Variants in ITPK1 observed in about 807,000 individuals in gnomAD.
ITPK1 encodes the protein inositol 1,3,4-trisphosphate 5/6-kinase.
A neutral mutation model predicts 45.3 loss-of-function variants in ITPK1; 21 were observed. That is an observed-to-expected ratio of 0.46 (90% CI 0.33 to 0.67). The LOEUF (loss-of-function observed/expected upper bound fraction) is 0.67, where lower values mean the gene tolerates loss of function less well. Ranked by LOEUF, ITPK1 falls within the 30% of genes least tolerant of loss-of-function variation. The pLI is 0.02. For synonymous variants in ITPK1, 258 were observed against 253.6 expected, an observed-to-expected ratio of 1.02 and a Z score of -0.16; for missense variants, 474 against 573.5, an observed-to-expected ratio of 0.83 and a Z score of 1.77.
chr14:92,994,040 C>A (rs1367729855), intron 4 of ITPK1, 43 bp from the exon 5 acceptor site: 2 of 1,336,082 alleles, frequency 1.5e-6, no homozygotes, highest in African/African-American at 1.4e-5. Context: ...AGGGGTAGGG[C>A]CAGGTAGCAA....
chr14:93,060,070 G>C (rs111801757), intron 3 of ITPK1, among the ~76,000 whole-genome samples: 117 of 152,124 alleles, frequency 7.7e-4, no homozygotes, highest in African/African-American at 2.7e-3. Flanking sequence ...CAGGAGGAGG[G>C]GGGTGGGGTA....
chr14:92,980,795 C>T (rs972256879), intron 5 of ITPK1, among the ~76,000 whole-genome samples: 2 of 152,166 alleles, frequency 1.3e-5, no homozygotes, highest in Non-Finnish European at 2.9e-5. Flanking sequence ...CCTGCTTCAG[C>T]CTCCCAAGTT....
In ITPK1 at chr14:92,962,368, G is replaced by C. The variant is rs768475112; in HGVS notation, c.491C>G (p.Thr164Ser). Reference protein sequence around the residue: ...FICKTRVAHGTNSHEMAIVFN... With the variant: ...FICKTRVAHGSNSHEMAIVFN... ...TCTTCCACTCACCTCGTGAGAGTTG[G>C]TGCCATGAGCCACTCTGGTTTTGCA... The change falls in exon 7 of 11, where the codon ACC becomes AGC. Residue 164 changes from threonine (T) to serine (S), a missense_variant. By Grantham distance (58) the Thr-to-Ser change is moderately conservative. Coordinates refer to ENST00000267615, the MANE Select transcript of ITPK1 (RefSeq NM_014216.6). 2 of 1,610,944 alleles carry C rather than the reference G, an allele frequency of 1.2e-6. No homozygotes were observed. The highest frequency in any genetic ancestry group is 3.3e-5 in the Admixed American group (2 of 60,018).
intron 2 of ITPK1, among the ~76,000 whole-genome samples, chr14:93,082,666 C>T (rs1891485293): frequency 6.6e-6 from 1 of 152,258 alleles, no homozygotes; most frequent in African/African-American, 2.4e-5. Flanking sequence ...ACGCCCACTC[C>T]AGGGGTGGGC....
At position 92,940,679 on chromosome 14, in the gene ITPK1, C is replaced by A; in HGVS notation, c.*882G>T. ...CCAGGGGTTAGGGCACAAAGCCAGC[C>A]CTGTGGTGCTCTCTGATCTCAAATG... On this transcript the variant is annotated 3_prime_UTR_variant, in exon 11 of 11. Coordinates refer to ENST00000267615, the MANE Select transcript of ITPK1 (RefSeq NM_014216.6). The A allele has an allele frequency of 7.8e-7, 1 of 1,280,606 alleles. No homozygotes were observed. Among genetic ancestry groups the A allele is most frequent in the South Asian group, 1.3e-5 (1 of 79,262 alleles). The allele number at this position is 1,280,606 out of a possible 1,614,324, so 79.3% of individuals were successfully genotyped here. A position where few individuals can be genotyped will look rare whatever the true frequency, so the allele number is the denominator to read the frequency against.
intron 3 of ITPK1, among the ~76,000 whole-genome samples, chr14:93,060,750 C>A (rs1890483371): frequency 6.6e-6 from 1 of 152,152 alleles, no homozygotes; most frequent in Non-Finnish European, 1.5e-5. Flanking sequence ...AACAGCAGAT[C>A]TGAGTTCAAA....
intron 3 of ITPK1, among the ~76,000 whole-genome samples, chr14:93,062,287 CAAAG>C (rs1248962420): frequency 1.3e-5 from 2 of 151,434 alleles, no homozygotes; most frequent in African/African-American, 4.9e-5. Context: ...AAAACTGCAT[CAAAG>C]ATGTTGGTGC....
chr14:93,090,450 C>T (rs1189452866), intron 2 of ITPK1, among the ~76,000 whole-genome samples: 1 of 152,150 alleles, frequency 6.6e-6, no homozygotes, highest in Non-Finnish European at 1.5e-5. Flanking sequence ...GACCTGAATG[C>T]CTCCCGTGTG....
chr14:93,107,461 G>A (rs915883354), intron 2 of ITPK1, among the ~76,000 whole-genome samples: 6 of 152,104 alleles, frequency 3.9e-5, no homozygotes, highest in South Asian at 2.1e-4. Context: ...AGATTCTGAC[G>A]GCGAGAGAGG....
intron 3 of ITPK1, among the ~76,000 whole-genome samples, chr14:93,017,632 A>G (rs1053342139): frequency 6.6e-6 from 1 of 152,218 alleles, no homozygotes; most frequent in African/African-American, 2.4e-5. Context: ...ACCACCTGCA[A>G]GGCCAGTGCC....
intron 4 of ITPK1, among the ~76,000 whole-genome samples, chr14:93,008,422 A>C (rs78001190): frequency 0.015 from 2,321 of 152,364 alleles, 59 homozygotes; most frequent in African/African-American, 0.053. Flanking sequence ...AGTTCTCACT[A>C]AGACTTGCTG....
At chr14:93,093,680 A>G (rs968672612) in intron 2 of ITPK1, among the ~76,000 whole-genome samples, 1 of 152,220 alleles carries the variant, frequency 6.6e-6, no homozygotes, top group African/African-American at 2.4e-5. Context: ...CCGGCCCCAT[A>G]CAGACAACAT....
chr14:93,066,465 C>T (rs1034568908), intron 3 of ITPK1: 40 of 321,002 alleles, frequency 1.2e-4, no homozygotes, highest in Non-Finnish European at 4.9e-5. Context: ...AGTTCAGTGG[C>T]GCGATCTCGG....
chr14:92,944,833 G>C (rs375530323), intron 10 of ITPK1, among the ~76,000 whole-genome samples: 6 of 152,162 alleles, frequency 3.9e-5, no homozygotes, highest in Non-Finnish European at 8.8e-5. Context: ...TGCACCCAGA[G>C]GCAATGGAGA....
chr14:93,074,409 A>C (rs1008037946), intron 3 of ITPK1, among the ~76,000 whole-genome samples: 2 of 152,184 alleles, frequency 1.3e-5, no homozygotes, highest in East Asian at 3.8e-4. Context: ...AATGCCACAT[A>C]AATGAAACCC....
Position 93,058,283 on chromosome 14 carries a change from G to A in ITPK1, c.120+18312C>T, listed in dbSNP as rs902094641. Among the ~76,000 whole-genome samples the A allele has an allele frequency of 1.4e-4, 21 of 150,826 alleles. No homozygotes were observed. In the South Asian group the frequency reaches 3.4e-3, roughly 24 times the overall value. ...AAGGTCGAAGCCAGAGTGGCCATGC[G>A]GGACTCTGGGTAGGGACAGAAGAAC... On this transcript the variant is annotated intron_variant, in intron 3 of 10. Coordinates refer to ENST00000267615, the MANE Select transcript of ITPK1 (RefSeq NM_014216.6).
At chr14:93,009,629 C>T (rs1275384096) in intron 4 of ITPK1, among the ~76,000 whole-genome samples, 1 of 152,192 alleles carries the variant, frequency 6.6e-6, no homozygotes, top group Non-Finnish European at 1.5e-5. Flanking sequence ...CAGGAGGAGT[C>T]GCCTATGACC....
chr14:92,976,431 C>T (rs1451482374), intron 5 of ITPK1, among the ~76,000 whole-genome samples: 2 of 152,214 alleles, frequency 1.3e-5, no homozygotes, highest in Non-Finnish European at 2.9e-5. Flanking sequence ...TACTCTGTCA[C>T]CATCATGCTA....
chr14:92,940,021 G>T lies in ITPK1; in HGVS notation c.*1540C>A. 1 of 985,826 alleles carries T rather than the reference G, an allele frequency of 1.0e-6. No individual in the cohort carries two copies. Among genetic ancestry groups the T allele is most frequent in the Non-Finnish European group, 1.2e-6 (1 of 829,956 alleles). 61.1% of individuals were successfully genotyped at this position (985,826 alleles called of 1,614,324 possible). A position where few individuals can be genotyped will look rare whatever the true frequency, so the allele number is the denominator to read the frequency against. On this transcript the variant is annotated 3_prime_UTR_variant, in exon 11 of 11. Coordinates refer to ENST00000267615, the MANE Select transcript of ITPK1 (RefSeq NM_014216.6). Reference sequence around the variant, plus strand: ...GTCGTGTAAACGTGGTTAGTTGTTGGGTCCTCAGTTTCCAAAAAAGCCGGG... The same window carrying T: ...GTCGTGTAAACGTGGTTAGTTGTTGTGTCCTCAGTTTCCAAAAAAGCCGGG...
Sources: allele counts gnomAD v4.1 joint callset (sites outside exome capture counted in the v4.1 genomes callset), GRCh38; gene constraint gnomAD v4.1.1; transcripts MANE v1.5; gene names NCBI Gene and HGNC (gene_info 2026-07-23, HGNC 2026-07-21).